TYW1B: variants seen among roughly 807,000 people sequenced by gnomAD.
TYW1B encodes tRNA-yW synthesizing protein 1 homolog B.
A neutral mutation model predicts 86.9 loss-of-function variants in TYW1B; 73 were observed. The ratio of observed to expected loss-of-function variants is 0.84; its 90% CI spans 0.70 to 1.02. TYW1B has a LOEUF of 1.02. Ranked by LOEUF, TYW1B falls within the 50% of genes least tolerant of loss-of-function variation. The pLI is 0.00. For missense variants in TYW1B, 637 were observed against 827.4 expected, an observed-to-expected ratio of 0.77 and a Z score of 2.82; for synonymous variants, 248 against 292.8, an observed-to-expected ratio of 0.85 and a Z score of 1.56.
intron 13 of TYW1B, 110 bp downstream of exon 13, chr7:72,616,562 C>G (rs1231669340): frequency 6.5e-7 from 1 of 1,531,968 alleles, no homozygotes; most frequent in African/African-American, 1.4e-5. Flanking sequence ...GGAAAGGTAG[C>G]AAGCACGCAG....
At chr7:72,697,656 A>T (rs1554451740) in intron 10 of TYW1B, among the ~76,000 whole-genome samples, 1 of 152,144 alleles carries the variant, frequency 6.6e-6, no homozygotes, top group Non-Finnish European at 1.5e-5. Context: ...AAATCACCAT[A>T]ATAATTCCTG....
intron 11 of TYW1B, among the ~76,000 whole-genome samples, chr7:72,669,932 A>AAAATAAATAAAT (rs78712037): frequency 3.7e-4 from 52 of 141,060 alleles, no homozygotes; most frequent in African/African-American, 1.0e-3. Flanking sequence ...CCATTTCTAC[A>AAAATAAATAAAT]AAATAAATAA....
intron 11 of TYW1B, among the ~76,000 whole-genome samples, chr7:72,634,870 C>T (rs1476829261): frequency 6.6e-6 from 1 of 152,082 alleles, no homozygotes; most frequent in Non-Finnish European, 1.5e-5. Flanking sequence ...AAATTATTTG[C>T]ATTTGCTGGA....
At chr7:72,715,274 T>G (rs1354554950) in intron 9 of TYW1B, among the ~76,000 whole-genome samples, 1 of 152,054 alleles carries the variant, frequency 6.6e-6, no homozygotes, top group Non-Finnish European at 1.5e-5. Context: ...AGCTGGACAC[T>G]GGGATTACCC....
In TYW1B at chr7:72,798,370, G is replaced by A. The variant is rs193101334; in HGVS notation, c.846+4030C>T. Among the ~76,000 whole-genome samples, 167 of 151,254 alleles carry A rather than the reference G, an allele frequency of 1.1e-3. 1 individual carries two copies. In the East Asian group the frequency reaches 0.025, roughly 23 times the overall value. ...CGCGCCACTGCACTCCAGCCTGGGC[G>A]ACAGAGCAAGACTCCGTCTCAAAAA... On this transcript the variant is annotated intron_variant, in intron 6 of 13. Transcript: ENST00000620995.
chr7:72,702,986 C>CTATATATA lies in TYW1B; in HGVS notation c.1371-8172_1371-8165dup, dbSNP rs371144509. Among the ~76,000 whole-genome samples the CTATATATA allele has an allele frequency of 5.2e-4, 19 of 36,300 alleles. No individual in the cohort carries two copies. The South Asian group carries it at 5.3e-3, about 10-fold the overall frequency. The allele number at this position is 36,300 out of a possible 152,430, so 23.8% of individuals were successfully genotyped here. Reference sequence around the variant, plus strand: ...TATCATCATTCATCTATCTATCTATCTATATATATATATATATATATATAT... The same window carrying CTATATATA: ...TATCATCATTCATCTATCTATCTATCTATATATATATATATATATATATATATATATAT... On this transcript the variant is annotated intron_variant, in intron 10 of 13. Transcript: ENST00000620995.
chr7:72,722,418 C>T (rs1786921515), intron 9 of TYW1B, among the ~76,000 whole-genome samples: 1 of 152,152 alleles, frequency 6.6e-6, no homozygotes, highest in Non-Finnish European at 1.5e-5. Context: ...AACCTCAGCC[C>T]CATTTTCTGG....
chr7:72,791,552 C>A (rs1249066633), intron 6 of TYW1B, among the ~76,000 whole-genome samples: 1 of 151,808 alleles, frequency 6.6e-6, no homozygotes, highest in Admixed American at 6.6e-5. Context: ...CCAAGGTGGG[C>A]GGATCATAAG....
chr7:72,778,499 GA>G (rs200492334), intron 6 of TYW1B, among the ~76,000 whole-genome samples: 2,435 of 152,306 alleles, frequency 0.016, 33 homozygotes, highest in Non-Finnish European at 0.027. Context: ...GCCCAGGCCA[GA>G]GTGCAGTGGC....
intron 11 of TYW1B, among the ~76,000 whole-genome samples, chr7:72,687,431 C>T (rs1283622704): frequency 3.3e-5 from 5 of 151,758 alleles, no homozygotes; most frequent in African/African-American, 9.7e-5. Context: ...TGAAACTCCA[C>T]CTCAAAAAAA....
chr7:72,807,914 T>G (rs1369762644), intron 4 of TYW1B, among the ~76,000 whole-genome samples: 1 of 151,970 alleles, frequency 6.6e-6, no homozygotes, highest in African/African-American at 2.4e-5. Flanking sequence ...AACAAAATAT[T>G]TACATATCTA....
At position 72,659,646 on chromosome 7, in the gene TYW1B, G is replaced by A. The variant is rs182930220; in HGVS notation, c.1507-30649C>T. ...AAGAGGCAAGTTGAGGTCAAAATAC[G>A]GAAACAGAACCTAGGTGTGCAAACC... On this transcript the variant is annotated intron_variant, in intron 11 of 13. Transcript: ENST00000620995. Among the ~76,000 whole-genome samples the A allele has an allele frequency of 7.0e-4, 107 of 152,248 alleles. 1 individual carries two copies. Among genetic ancestry groups the A allele is most frequent in the Admixed American group, 5.4e-3 (83 of 15,276 alleles).
Position 72,659,450 on chromosome 7 carries a change from C to T in TYW1B, c.1507-30453G>A, listed in dbSNP as rs148719418. On this transcript the variant is annotated intron_variant, in intron 11 of 13. Coordinates refer to ENST00000620995, the MANE Select transcript of TYW1B (RefSeq NM_001145440.3). ...AAAATGAGCCAGGCGTGGTGGCCCACACCTGTAGTCCCAGCTACTAGGGAG... is the reference window on the plus strand; with the variant it reads ...AAAATGAGCCAGGCGTGGTGGCCCATACCTGTAGTCCCAGCTACTAGGGAG... Among the ~76,000 whole-genome samples the T allele has an allele frequency of 1.7e-3, 262 of 152,266 alleles. 4 individuals carry two copies. The East Asian group carries it at 0.044, about 26-fold the overall frequency.
At chr7:72,584,884 G>T (rs1265781953) in intron 13 of TYW1B, among the ~76,000 whole-genome samples, 1 of 152,142 alleles carries the variant, frequency 6.6e-6, no homozygotes, top group Non-Finnish European at 1.5e-5. Flanking sequence ...TTAGGCAAAC[G>T]AGGGGAGCCG....
rs192083223 is a variant in TYW1B at position 72,701,914 on chromosome 7, C to T, written c.1371-7092G>A. On this transcript the variant is annotated intron_variant, in intron 10 of 13. Transcript: ENST00000620995. ...CCCAGGCAGGCAGTTTGCAACTCTGCCTTGGTTTTCGCTGCCTGCTTACTC... is the reference window on the plus strand; with the variant it reads ...CCCAGGCAGGCAGTTTGCAACTCTGTCTTGGTTTTCGCTGCCTGCTTACTC... 4.2e-3 allele frequency among the ~76,000 whole-genome samples: 641 copies of T among 152,274 alleles called. 4 individuals are homozygous for T. Among genetic ancestry groups the T allele is most frequent in the Middle Eastern group, 0.02 (6 of 294 alleles).
At chr7:72,820,107 T>C (rs1788800748) in intron 2 of TYW1B, among the ~76,000 whole-genome samples, 1 of 152,044 alleles carries the variant, frequency 6.6e-6, no homozygotes. Flanking sequence ...AAACCCCATC[T>C]CTACTAAAAA....
At chr7:72,803,603 TAGAG>T (rs1484892096) in intron 5 of TYW1B, among the ~76,000 whole-genome samples, 1 of 152,076 alleles carries the variant, frequency 6.6e-6, no homozygotes, top group Non-Finnish European at 1.5e-5. Context: ...AATCAAACGT[TAGAG>T]AGATTTTTTT....
At chr7:72,600,930 C>T (rs546858345) in intron 13 of TYW1B, among the ~76,000 whole-genome samples, 22 of 151,854 alleles carry the variant, frequency 1.4e-4, no homozygotes, top group South Asian at 6.2e-4. Flanking sequence ...CTGAGGAGGG[C>T]GAATCACCTG....
At position 72,774,726 on chromosome 7, in the gene TYW1B, G is replaced by A. The variant is rs189309015; in HGVS notation, c.964+2690C>T. On this transcript the variant is annotated intron_variant, in intron 7 of 13. Coordinates refer to ENST00000620995, the MANE Select transcript of TYW1B (RefSeq NM_001145440.3). ...GGCCTGGGCAACAGAGTGAGACTCC[G>A]TCTCAAAATAAATAAATAAATAATA... Among the ~76,000 whole-genome samples the A allele has an allele frequency of 3.2e-3, 493 of 151,960 alleles. 1 individual carries two copies. Among genetic ancestry groups the A allele is most frequent in the African/African-American group, 8.9e-3 (367 of 41,456 alleles).
Sources: allele counts gnomAD v4.1 joint callset (sites outside exome capture counted in the v4.1 genomes callset), GRCh38; gene constraint gnomAD v4.1.1; transcripts MANE v1.5; gene names NCBI Gene and HGNC (gene_info 2026-07-23, HGNC 2026-07-21).